The following PCAT6 variants were observed in gnomAD, a reference collection of about 807,000 sequenced individuals.
PCAT6 encodes KDM5B antisense RNA 1 (head to head).
chr1:202,811,104 C>A, exon 1 of PCAT6: 1 of 386,718 alleles, frequency 2.6e-6, no homozygotes, highest in East Asian at 3.7e-5. Flanking sequence ...AGCCCCGCTC[C>A]GAGTGCCACG....
exon 1 of PCAT6, chr1:202,811,685 C>A: frequency 6.0e-6 from 2 of 331,830 alleles, no homozygotes; most frequent in Non-Finnish European, 1.1e-5. Context: ...CTCGTCTCCC[C>A]CAGTCTCCAG....
exon 1 of PCAT6, chr1:202,811,833 T>G (rs1416649834): frequency 6.1e-6 from 1 of 164,976 alleles, no homozygotes; most frequent in Non-Finnish European, 1.3e-5. Flanking sequence ...CACAAACGCT[T>G]GCGATTTGGC....
chr1:202,811,414 G>A (rs1658548425), exon 1 of PCAT6: 1 of 398,692 alleles, frequency 2.5e-6, no homozygotes, highest in African/African-American at 2.1e-5. Context: ...GCAAACTTGG[G>A]GGGACTTCCT....
chr1:202,811,342 G>C (rs1030250191), exon 1 of PCAT6: 5 of 398,600 alleles, frequency 1.3e-5, no homozygotes, highest in African/African-American at 1.0e-4. Context: ...CACCCGCCTG[G>C]TGATGAGGCG....
Position 202,811,075 on chromosome 1 carries a change from G to T in PCAT6, n.193G>T, listed in dbSNP as rs1658538504. ...TAGGCCATAGCGGAGCTGCAGCCCA[G>T]GCGGCCGGAGCGGAACCCAGCCCCG... On this transcript the variant is annotated non_coding_transcript_exon_variant, in exon 1 of 1. Transcript: ENST00000686658. 8.1e-6 allele frequency: 3 copies of T among 370,688 alleles called. 1 individual carries two copies. The highest frequency in any genetic ancestry group is 1.4e-5 in the Non-Finnish European group (3 of 208,426). The allele number at this position is 370,688 out of a possible 1,614,324, so 23.0% of individuals were successfully genotyped here.
exon 1 of PCAT6, chr1:202,811,743 CTCCAATT>C: frequency 8.0e-6 from 2 of 250,174 alleles, no homozygotes; most frequent in Non-Finnish European, 1.5e-5. Flanking sequence ...CAGCTCATCT[CTCCAATT>C]CAATGCCATC....
chr1:202,811,491 C>T (rs567109815), exon 1 of PCAT6: 26 of 398,044 alleles, frequency 6.5e-5, no homozygotes, highest in Non-Finnish European at 1.1e-4. Flanking sequence ...GGGGGCAGAC[C>T]GGGCTCCCCA....
exon 1 of PCAT6, chr1:202,811,349 G>A (rs1658546437): frequency 5.0e-6 from 2 of 398,706 alleles, no homozygotes; most frequent in Admixed American, 4.4e-5. Flanking sequence ...CTGGTGATGA[G>A]GCGCTCCTCG....
exon 1 of PCAT6, chr1:202,811,099 C>T (rs1240238343): frequency 7.8e-6 from 3 of 384,452 alleles, no homozygotes; most frequent in Non-Finnish European, 9.2e-6. Context: ...AACCCAGCCC[C>T]GCTCCGAGTG....
chr1:202,811,770 C>T, exon 1 of PCAT6: 1 of 210,966 alleles, frequency 4.7e-6, no homozygotes, highest in Non-Finnish European at 9.4e-6. Flanking sequence ...CATCTCTCCT[C>T]ACCATCTCTC....
chr1:202,811,181 C>G (rs1047662008), exon 1 of PCAT6: 1 of 396,134 alleles, frequency 2.5e-6, no homozygotes, highest in African/African-American at 2.1e-5. Flanking sequence ...GTCCCCCAAA[C>G]CGCCCTCATT....
At chr1:202,810,969 G>A (rs1658535273) in exon 1 of PCAT6, 3 of 213,094 alleles carry the variant, frequency 1.4e-5, no homozygotes, top group Non-Finnish European at 2.8e-5. Context: ...CCGGACCTGG[G>A]CAACCCCAGC....
exon 1 of PCAT6, chr1:202,811,452 A>G: frequency 2.5e-6 from 1 of 398,382 alleles, no homozygotes; most frequent in Non-Finnish European, 4.4e-6. Context: ...GCGCCGTGCA[A>G]CTGCCCTGGG....
exon 1 of PCAT6, chr1:202,811,567 CTT>C (rs1387075003): frequency 2.5e-6 from 1 of 393,532 alleles, no homozygotes; most frequent in African/African-American, 2.1e-5. Context: ...CCTCTGACAA[CTT>C]TTCAGGGCTC....
chr1:202,811,031 G>C, exon 1 of PCAT6: 1 of 306,248 alleles, frequency 3.3e-6, no homozygotes, highest in Non-Finnish European at 6.0e-6. Context: ...AGGCCTAGGC[G>C]GGGTCAGGTT....
In PCAT6 at chr1:202,811,449, G is replaced by T. The variant is rs1658549534; in HGVS notation, n.567G>T. 6 of 398,576 alleles carry T rather than the reference G, an allele frequency of 1.5e-5. No homozygotes were observed. The East Asian group carries it at 2.1e-4, about 14-fold the overall frequency. The allele number at this position is 398,576 out of a possible 1,614,324, so 24.7% of individuals were successfully genotyped here. ...TCCCTCCCCTCCCCCTGGGCGCCGT[G>T]CAACTGCCCTGGGACCGGGTTCTGG... On this transcript the variant is annotated non_coding_transcript_exon_variant, in exon 1 of 1. Coordinates refer to ENST00000686658, the Ensembl canonical transcript of PCAT6.
exon 1 of PCAT6, chr1:202,811,595 C>T (rs1360815687): frequency 2.6e-6 from 1 of 389,746 alleles, no homozygotes; most frequent in Admixed American, 4.5e-5. Flanking sequence ...GTCCGTGAGC[C>T]TCCCTTCCGC....
chr1:202,811,490 C>A (rs1162266889), exon 1 of PCAT6: 3 of 398,120 alleles, frequency 7.5e-6, no homozygotes, highest in Admixed American at 8.8e-5. Flanking sequence ...GGGGGGCAGA[C>A]CGGGCTCCCC....
At chr1:202,811,641 C>T in exon 1 of PCAT6, 1 of 378,206 alleles carries the variant, frequency 2.6e-6, no homozygotes. Context: ...CGTGCTTCTA[C>T]CACCACCCTT....
Sources: allele counts gnomAD v4.1 joint callset, GRCh38; gene constraint gnomAD v4.1.1; transcripts MANE v1.5; gene names NCBI Gene and HGNC (gene_info 2026-07-23, HGNC 2026-07-21).